Variants in NSD1 observed in about 807,000 individuals in gnomAD.
The protein encoded by NSD1 is histone-lysine N-methyltransferase, H3 lysine-36 specific.
Under a neutral mutation model 242.7 loss-of-function variants are expected in NSD1, and 26 were observed. The observed-to-expected ratio is 0.11, with a 90% CI of 0.08 to 0.15. The LOEUF is 0.15. Ranked by LOEUF, NSD1 falls within the 10% of genes least tolerant of loss-of-function variation. The pLI is 1.00. For missense variants in NSD1, 2,495 were observed against 3,272.8 expected (o/e 0.76, Z 5.80); for synonymous variants, 1,106 against 1,178.1 (o/e 0.94, Z 1.25).
intron 5 of NSD1, among the ~76,000 whole-genome samples, chr5:177,219,092 A>G (rs947034517): frequency 2.6e-5 from 4 of 151,598 alleles, no homozygotes; most frequent in African/African-American, 9.7e-5. Flanking sequence ...TCGAGGTGTA[A>G]ATTTAGGTTG....
chr5:177,266,517 C>T, intron 14 of NSD1: 2 of 631,610 alleles, frequency 3.2e-6, no homozygotes, highest in South Asian at 1.7e-5. Flanking sequence ...CCTCGACGTT[C>T]GGCTTCTCGC....
chr5:177,250,454 C>T (rs4519939), intron 11 of NSD1, among the ~76,000 whole-genome samples: 6 of 152,140 alleles, frequency 3.9e-5, no homozygotes, highest in African/African-American at 1.4e-4. Context: ...AGATAAATTA[C>T]GTGGTTATCC....
intron 11 of NSD1, among the ~76,000 whole-genome samples, 198 bp downstream of exon 11, chr5:177,248,522 T>C (rs551847100): frequency 2.0e-5 from 3 of 152,266 alleles, no homozygotes; most frequent in African/African-American, 2.4e-5. Flanking sequence ...TTAGTGTTGG[T>C]GAACCACGTG....
intron 2 of NSD1, among the ~76,000 whole-genome samples, chr5:177,162,914 C>T (rs1758874556): frequency 6.6e-6 from 1 of 152,046 alleles, no homozygotes; most frequent in Non-Finnish European, 1.5e-5. Context: ...ATCTACCTGC[C>T]TCGGCCTCCC....
chr5:177,282,377 TG>T, intron 18 of NSD1, 87 bp from the exon 19 acceptor site: 3 of 836,184 alleles, frequency 3.6e-6, no homozygotes, highest in Non-Finnish European at 6.4e-6. Context: ...TAGAATGTGA[TG>T]TTTTCATTAA....
intron 20 of NSD1, among the ~76,000 whole-genome samples, chr5:177,285,875 G>C (rs993136700): frequency 6.6e-6 from 1 of 152,140 alleles, no homozygotes; most frequent in African/African-American, 2.4e-5. Flanking sequence ...TCAGATCTTA[G>C]TCTGTTTTTG....
At chr5:177,163,178 T>C (rs1045243559) in intron 2 of NSD1, among the ~76,000 whole-genome samples, 3 of 150,904 alleles carry the variant, frequency 2.0e-5, no homozygotes, top group Non-Finnish European at 2.9e-5. Flanking sequence ...AGTCTCGTTC[T>C]GTTGCCAAGT....
At chr5:177,207,951 A>T (rs1581308395) in intron 4 of NSD1, among the ~76,000 whole-genome samples, 1 of 150,998 alleles carries the variant, frequency 6.6e-6, no homozygotes, top group Non-Finnish European at 1.5e-5. Flanking sequence ...TTTAGTAGAG[A>T]CAGGGTCTGG....
intron 2 of NSD1, among the ~76,000 whole-genome samples, chr5:177,174,092 C>T (rs991493315): frequency 5.9e-5 from 9 of 151,868 alleles, no homozygotes; most frequent in African/African-American, 1.2e-4. Context: ...AAAGGCCGGG[C>T]GCGGTGGCTC....
intron 8 of NSD1, 31 bp downstream of exon 8, chr5:177,239,896 T>G (rs746510691): frequency 1.8e-5 from 24 of 1,356,492 alleles, no homozygotes; most frequent in Middle Eastern, 1.8e-4. Flanking sequence ...CTAAAAGAAA[T>G]AAACTCAGGA....
chr5:177,244,247 CTTA>C lies in NSD1; in HGVS notation c.4358_4360del (p.Tyr1453del). 1 of 1,613,414 alleles carries C rather than the reference CTTA, an allele frequency of 6.2e-7. No homozygotes were observed. The highest frequency in any genetic ancestry group is 8.5e-7 in the Non-Finnish European group (1 of 1,179,528). ...GGCATAACTGAATCTTGTGCCACAT[CTTA>C]TTCAAAAGATTTTGGTGGAGGTGAG... On this transcript the variant is annotated inframe_deletion, in exon 9 of 23. Coordinates refer to ENST00000439151, the MANE Select transcript of NSD1 (RefSeq NM_022455.5).
rs116235128 is a variant in NSD1 at position 177,288,110 on chromosome 5, T to C, written c.6152-709T>C. 4.3e-3 allele frequency among the ~76,000 whole-genome samples: 655 copies of C among 152,354 alleles called. 3 individuals are homozygous for C. Among genetic ancestry groups the C allele is most frequent in the African/African-American group, 0.014 (596 of 41,582 alleles). On this transcript the variant is annotated intron_variant, in intron 20 of 22. Coordinates refer to ENST00000439151, the MANE Select transcript of NSD1 (RefSeq NM_022455.5). ...GCCTCCCATAACTGGCTTTTAGTTA[T>C]GAGTTTTGAGTTTGAATGTTTATTT...
At chr5:177,145,333 T>C (rs950614921) in intron 2 of NSD1, among the ~76,000 whole-genome samples, 5 of 151,184 alleles carry the variant, frequency 3.3e-5, no homozygotes, top group South Asian at 2.1e-4. Context: ...GGCTGGAGTC[T>C]AGTAGTATGA....
chr5:177,259,103 G>A (rs1196820411), intron 13 of NSD1, among the ~76,000 whole-genome samples: 1 of 152,174 alleles, frequency 6.6e-6, no homozygotes, highest in African/African-American at 2.4e-5. Context: ...CCAAAGTCCT[G>A]GGATTACAGG....
chr5:177,211,602 T>G lies in NSD1; in HGVS notation c.3203T>G (p.Leu1068Arg). The G allele has an allele frequency of 6.2e-7, 1 of 1,614,144 alleles. No individual in the cohort carries two copies. Among genetic ancestry groups the G allele is most frequent in the Non-Finnish European group, 8.5e-7 (1 of 1,180,028 alleles). The change falls in exon 5 of 23, where the codon CTG becomes CGG. Residue 1068 changes from leucine to arginine, a missense_variant. Coordinates refer to ENST00000439151, the MANE Select transcript of NSD1 (RefSeq NM_022455.5). The stretch of plus-strand genomic sequence containing the variant: ...CCAAGTGTGACTCTTGATGCTGTAC[T>G]GCAGGGAGACCGAGAACGTGGAGGT... ...QLPSVTLDAV[L>R]QGDRERGGSL...
At chr5:177,228,273 T>A (rs542140182) in intron 5 of NSD1, among the ~76,000 whole-genome samples, 12 of 151,564 alleles carry the variant, frequency 7.9e-5, no homozygotes, top group South Asian at 6.2e-4. Flanking sequence ...TTCTTTTTTT[T>A]TTTTTTGAGT....
chr5:177,232,789 A>G (rs1260084913), intron 5 of NSD1, among the ~76,000 whole-genome samples: 3 of 152,234 alleles, frequency 2.0e-5, no homozygotes, highest in Non-Finnish European at 2.9e-5. Context: ...AGATATCCCC[A>G]TAGATTAGAG....
chr5:177,282,722 T>C, intron 19 of NSD1, 141 bp downstream of exon 19: 1 of 764,196 alleles, frequency 1.3e-6, no homozygotes, highest in Non-Finnish European at 2.4e-6. Context: ...ATTGGGGTTC[T>C]GGAGTAGGTA....
intron 3 of NSD1, among the ~76,000 whole-genome samples, chr5:177,199,531 A>G (rs1448088864): frequency 6.6e-6 from 1 of 152,114 alleles, no homozygotes; most frequent in Non-Finnish European, 1.5e-5. Context: ...TGTTTGGATT[A>G]TAGGCGTGAA....
Sources: allele counts gnomAD v4.1 joint callset (sites outside exome capture counted in the v4.1 genomes callset), GRCh38; gene constraint gnomAD v4.1.1; transcripts MANE v1.5; gene names NCBI Gene and HGNC (gene_info 2026-07-23, HGNC 2026-07-21).